Variants in ARHGEF15 observed in about 807,000 individuals in gnomAD.
ARHGEF15 encodes the protein Rho guanine nucleotide exchange factor 15.
In ARHGEF15, 58 loss-of-function variants were observed where a neutral mutation model predicts 79.7. The observed-to-expected ratio is 0.73, with a 90% confidence interval of 0.59 to 0.91. The LOEUF (loss-of-function observed/expected upper bound fraction) is 0.91. ARHGEF15 is among the 40% of genes least tolerant of loss of function. The probability of loss-of-function intolerance (pLI) is 0.00; values close to 1 mark genes in which losing one functional copy is unlikely to be tolerated. For missense variants in ARHGEF15, 1,012 were observed against 1,108.1 expected (o/e 0.91, Z 1.23); for synonymous variants, 442 against 456.0 (o/e 0.97, Z 0.39).
At position 8,318,436 on chromosome 17, in the gene ARHGEF15, A is replaced by G; in HGVS notation, c.1754A>G (p.Gln585Arg). The G allele has an allele frequency of 1.2e-6, 2 of 1,614,088 alleles. No individual in the cohort carries two copies. Among genetic ancestry groups the G allele is most frequent in the South Asian group, 1.1e-5 (1 of 91,082 alleles). ...GGGTCCAGCCGTCAGGAGAATGCCC[A>G]GAAGGCCCTGGGTGCTGTCAGCAAG... ...EEGSSRQENA[Q>R]KALGAVSKII... The change falls in exon 10 of 16, where the codon CAG (glutamine) becomes CGG (arginine). Residue 585 changes from glutamine to arginine, a missense_variant. Around this residue, in one of 3 missense-constraint regions of ARHGEF15, gnomAD observed 818 missense variants for 882.5 expected, o/e 0.93. Transcript: ENST00000361926. The surrounding 1 kb of genome is among the most constrained non-coding windows in gnomAD (Gnocchi z 5.0).
At chr17:8,311,562 C>G (rs1904615058) in intron 1 of ARHGEF15, among the ~76,000 whole-genome samples, 1 of 152,040 alleles carries the variant, frequency 6.6e-6, no homozygotes, top group Admixed American at 6.5e-5. Flanking sequence ...CGCCTCGCAG[C>G]CCAGGCCCGG....
chr17:8,313,712 A>T, intron 4 of ARHGEF15, 157 bp downstream of exon 4: 2 of 674,840 alleles, frequency 3.0e-6, no homozygotes, highest in Admixed American at 3.2e-5. Flanking sequence ...TTCGAATCCC[A>T]GCTCTGGCCC....
In ARHGEF15 at chr17:8,319,293, T is replaced by C; in HGVS notation, c.2187-19T>C. 6.2e-7 allele frequency: 1 copy of C among 1,612,592 alleles called. No homozygotes were observed. The highest frequency in any genetic ancestry group is 8.5e-7 in the Non-Finnish European group (1 of 1,179,278). On this transcript the variant is annotated intron_variant, in intron 13 of 15. Coordinates refer to ENST00000361926, the MANE Select transcript of ARHGEF15 (RefSeq NM_173728.4). ...GGATCTTTTGGGCCAACTGTGACAC[T>C]TCCCAATATCCCCACCAGATCAGAC... is the stretch of plus-strand genomic sequence containing the variant.
rs779202222 is a variant in ARHGEF15, at chr17:8,319,004, C to T, written c.2034-3C>T. ...CCTTCTGAACGACCTCATCCCTGGG[C>T]AGTGGGCAGCGGTTACAGGTTCTGG... On this transcript the variant is annotated splice_polypyrimidine_tract_variant and splice_region_variant and intron_variant, in intron 12 of 15. Coordinates refer to ENST00000361926, the MANE Select transcript of ARHGEF15 (RefSeq NM_173728.4). 3 of 1,613,152 alleles carry T rather than the reference C, an allele frequency of 1.9e-6. No individual in the cohort carries two copies. The Admixed American group carries it at 5.0e-5, about 27-fold the overall frequency.
Position 8,316,041 on chromosome 17 carries a change from G to A in ARHGEF15, c.1597G>A (p.Ala533Thr). 1 of 1,602,764 alleles carries A rather than the reference G, an allele frequency of 6.2e-7. No individual in the cohort carries two copies. The highest frequency in any genetic ancestry group is 8.5e-7 in the Non-Finnish European group (1 of 1,179,498). ...CAGGGACACCAACGTGCGCTTCTCC[G>A]CCGAGCTGCGCCGGCTGCAGAGCCT... The part of the protein sequence containing the change: ...RLMDTNVRFS[A>T]ELRRLQSLPK... Residue 533 changes from alanine to threonine, a missense_variant, in exon 9 of 16, where the codon GCC (alanine) becomes ACC (threonine). Transcript: ENST00000361926.
At position 8,312,502 on chromosome 17, in the gene ARHGEF15, G is replaced by A. The variant is rs753845921; in HGVS notation, c.463G>A (p.Gly155Ser). The change falls in exon 2 of 16, where the codon GGC (glycine) becomes AGC (serine). Residue 155 changes from glycine (G) to serine (S), a missense_variant. Around this residue, in one of 3 missense-constraint regions of ARHGEF15, gnomAD observed 818 missense variants for 882.5 expected, o/e 0.93. Transcript: ENST00000361926. Reference sequence around the variant, plus strand: ...TCCTGGCACTGTGCGGAGGCTGGCTGGCAGGTTTGAAGGGGGTGCTGAAGG... The same window carrying A: ...TCCTGGCACTGTGCGGAGGCTGGCTAGCAGGTTTGAAGGGGGTGCTGAAGG... ...SAPGTVRRLA[G>S]RFEGGAEGRA... is the part of the protein sequence containing the mutation. 6.2e-7 allele frequency: 1 copy of A among 1,612,658 alleles called. No homozygotes were observed. The highest frequency in any genetic ancestry group is 1.1e-5 in the South Asian group (1 of 90,938).
At chr17:8,314,455 A>C (rs1348429776) in intron 4 of ARHGEF15, among the ~76,000 whole-genome samples, 1 of 152,028 alleles carries the variant, frequency 6.6e-6, no homozygotes, top group Non-Finnish European at 1.5e-5. Context: ...CATCACGTTG[A>C]GCTTCCTTGA....
chr17:8,316,295 C>G (rs1905030099), intron 9 of ARHGEF15, 147 bp downstream of exon 9: 2 of 1,293,792 alleles, frequency 1.5e-6, no homozygotes, highest in African/African-American at 3.0e-5. Flanking sequence ...CTGGGTCTCT[C>G]AGCCTAGGAC....
Position 8,315,019 on chromosome 17 carries a change from G to T in ARHGEF15, c.1049-47G>T. On this transcript the variant is annotated intron_variant, in intron 5 of 15. Coordinates refer to ENST00000361926, the MANE Select transcript of ARHGEF15 (RefSeq NM_173728.4). This position sits in a 1 kb window ranked among gnomAD's most constrained non-coding sequence, Gnocchi z 4.3. ...CTGTGACCATCAAGCAGTGGGGAAG[G>T]GTTTGGGAGCCCTGGGCTTCCCTGA... 2 of 1,613,818 alleles carry T rather than the reference G, an allele frequency of 1.2e-6. No individual in the cohort carries two copies. Among genetic ancestry groups the T allele is most frequent in the Non-Finnish European group, 8.5e-7 (1 of 1,179,822 alleles).
chr17:8,313,410 A>G, intron 3 of ARHGEF15, 91 bp from the exon 4 acceptor site: 12 of 1,530,030 alleles, frequency 7.8e-6, no homozygotes, highest in African/African-American at 1.4e-5. Flanking sequence ...TGCAGTTTTT[A>G]TAGTAACCAT....
At chr17:8,319,880 C>T (rs1178976165) in intron 15 of ARHGEF15, among the ~76,000 whole-genome samples, 3 of 151,790 alleles carry the variant, frequency 2.0e-5, no homozygotes, top group Admixed American at 6.6e-5. Context: ...TGATCCGTCC[C>T]CTTTCACCTC....
chr17:8,316,288 G>T, intron 9 of ARHGEF15, 140 bp downstream of exon 9: 1 of 1,352,836 alleles, frequency 7.4e-7, no homozygotes, highest in South Asian at 1.5e-5. Context: ...TCCGAATCTG[G>T]GTCTCTCAGC....
At position 8,319,965 on chromosome 17, in the gene ARHGEF15, G is replaced by GT. The variant is rs1479229369; in HGVS notation, c.2374+363dup. Among the ~76,000 whole-genome samples the GT allele has an allele frequency of 3.8e-4, 57 of 149,846 alleles. 1 individual carries two copies. Among genetic ancestry groups the GT allele is most frequent in the African/African-American group, 1.3e-3 (54 of 40,762 alleles). ...CTATTCTTTTTTTTTTTTAATGGAG[G>GT]TGGGGGGTCTCACTATGTTGCTCAG... On this transcript the variant is annotated intron_variant, in intron 15 of 15. Transcript: ENST00000361926.
At chr17:8,311,425 G>T (rs748346639) in intron 1 of ARHGEF15, among the ~76,000 whole-genome samples, 11 of 152,066 alleles carry the variant, frequency 7.2e-5, no homozygotes, top group Non-Finnish European at 1.3e-4. Context: ...ATCTCCGGGG[G>T]TCAGAGGCTC....
chr17:8,316,835 T>C (rs925627792), intron 9 of ARHGEF15, among the ~76,000 whole-genome samples: 13 of 152,130 alleles, frequency 8.5e-5, no homozygotes, highest in African/African-American at 3.1e-4. Context: ...CAGGCTGGAG[T>C]ACAGTGGCGC....
At position 8,315,048 on chromosome 17, in the gene ARHGEF15, G is replaced by C. The variant is rs1459417035; in HGVS notation, c.1049-18G>C. ...TGGGAGCCCTGGGCTTCCCTGAAGTGCTATGTTTGCCCTCTAGAACCTCTG... is the reference window on the plus strand; with the variant it reads ...TGGGAGCCCTGGGCTTCCCTGAAGTCCTATGTTTGCCCTCTAGAACCTCTG... On this transcript the variant is annotated intron_variant, in intron 5 of 15. Coordinates refer to ENST00000361926, the MANE Select transcript of ARHGEF15 (RefSeq NM_173728.4). The surrounding 1 kb of genome is among the most constrained non-coding windows in gnomAD (Gnocchi z 4.3). 1.2e-6 allele frequency: 2 copies of C among 1,613,470 alleles called. No individual in the cohort carries two copies. Among genetic ancestry groups the C allele is most frequent in the East Asian group, 4.5e-5 (2 of 44,872 alleles).
At chr17:8,313,836 C>T (rs1304855570) in intron 4 of ARHGEF15, 1 of 345,578 alleles carries the variant, frequency 2.9e-6, no homozygotes, top group Admixed American at 4.7e-5. Context: ...TCAAGATCAG[C>T]CTGGCTAACG....
At position 8,315,360 on chromosome 17, in the gene ARHGEF15, C is replaced by T; in HGVS notation, c.1261-54C>T. Reference sequence around the variant, plus strand: ...GGCATAGGGGAGGAGGGCCCAGGGTCCTAGCTTCCCACGGTGAACTGGGCT... The same window carrying T: ...GGCATAGGGGAGGAGGGCCCAGGGTTCTAGCTTCCCACGGTGAACTGGGCT... On this transcript the variant is annotated intron_variant, in intron 6 of 15. Transcript: ENST00000361926. The surrounding 1 kb of genome is among the most constrained non-coding windows in gnomAD (Gnocchi z 4.3). The T allele has an allele frequency of 2.5e-6, 4 of 1,612,398 alleles. No individual in the cohort carries two copies. The highest frequency in any genetic ancestry group is 3.4e-6 in the Non-Finnish European group (4 of 1,179,062).
Position 8,318,759 on chromosome 17 carries a change from C to T in ARHGEF15, c.1882C>T (p.Leu628=). The change falls in exon 12 of 16, where the codon CTG becomes TTG. Residue 628 remains leucine, a synonymous_variant. Transcript: ENST00000361926. This position sits in a 1 kb window ranked among gnomAD's most constrained non-coding sequence, Gnocchi z 5.0. ...LRFHKVKALP[L]VSWSRRLEFQ... ...CTCCGCTTCCTCGCAGGCCCTGCCC[C>T]TGGTCTCCTGGTCACGGCGCCTGGA... 2 of 1,613,026 alleles carry T rather than the reference C, an allele frequency of 1.2e-6. No individual in the cohort carries two copies. Among genetic ancestry groups the T allele is most frequent in the Non-Finnish European group, 8.5e-7 (1 of 1,179,812 alleles).
Sources: allele counts gnomAD v4.1 joint callset (sites outside exome capture counted in the v4.1 genomes callset), GRCh38; gene constraint gnomAD v4.1.1; regional missense constraint gnomAD v4.1.1; non-coding constraint Gnocchi (gnomAD v3.1); transcripts MANE v1.5; gene names NCBI Gene and HGNC (gene_info 2026-07-23, HGNC 2026-07-21).